The following PRKCB variants were observed in gnomAD, a reference collection of about 807,000 sequenced individuals.
The protein encoded by PRKCB is protein kinase C beta type.
Under a neutral mutation model 81.5 loss-of-function variants are expected in PRKCB, and 13 were observed. That is an observed-to-expected ratio of 0.16 (90% confidence interval 0.10 to 0.25). The LOEUF (loss-of-function observed/expected upper bound fraction) is 0.25, where lower values mean the gene tolerates loss of function less well. Ranked by LOEUF, PRKCB falls within the 10% of genes least tolerant of loss-of-function variation. PRKCB has a pLI of 1.00. For synonymous variants in PRKCB, 335 were observed against 321.4 expected, an observed-to-expected ratio of 1.04 and a Z score of -0.45; for missense variants, 509 against 875.7, an observed-to-expected ratio of 0.58 and a Z score of 5.29.
At chr16:23,987,176 T>C (rs1964813257) in intron 2 of PRKCB, among the ~76,000 whole-genome samples, 1 of 152,216 alleles carries the variant, frequency 6.6e-6, no homozygotes, top group Non-Finnish European at 1.5e-5. Context: ...CAAACCACCA[T>C]GGCACATGTA....
intron 2 of PRKCB, among the ~76,000 whole-genome samples, chr16:23,839,215 G>A (rs1390985063): frequency 6.6e-6 from 1 of 151,322 alleles, no homozygotes; most frequent in Non-Finnish European, 1.5e-5. Context: ...ATTTTCTGAT[G>A]TTAAGAGAAA....
At chr16:24,133,803 GC>G (rs1486804704) in intron 9 of PRKCB, among the ~76,000 whole-genome samples, 2 of 152,152 alleles carry the variant, frequency 1.3e-5, no homozygotes, top group East Asian at 3.8e-4. Flanking sequence ...CAAGAAGGAG[GC>G]GGGACCTTGA....
At chr16:23,909,674 A>G (rs1963619879) in intron 2 of PRKCB, among the ~76,000 whole-genome samples, 1 of 152,130 alleles carries the variant, frequency 6.6e-6, no homozygotes, top group African/African-American at 2.4e-5. Flanking sequence ...ACACATTATA[A>G]GCTCCCACTT....
chr16:24,063,798 A>G (rs1006944938), intron 5 of PRKCB, among the ~76,000 whole-genome samples: 1 of 152,172 alleles, frequency 6.6e-6, no homozygotes, highest in Non-Finnish European at 1.5e-5. Context: ...GGGAATTCTT[A>G]GGACTCTGGG....
chr16:23,892,639 A>G (rs567234731), intron 2 of PRKCB, among the ~76,000 whole-genome samples: 8 of 152,184 alleles, frequency 5.3e-5, no homozygotes, highest in Non-Finnish European at 1.2e-4. Context: ...AGATGGTCTT[A>G]TTTATTACTT....
At chr16:24,112,892 G>C in intron 7 of PRKCB, 81 bp from the exon 8 acceptor site, 1 of 978,514 alleles carries the variant, frequency 1.0e-6, no homozygotes, top group Non-Finnish European at 1.6e-6. Context: ...GCTTTATATA[G>C]GCCTCCTTTT....
chr16:23,936,223 T>C (rs1246869713), intron 2 of PRKCB, among the ~76,000 whole-genome samples: 5 of 151,694 alleles, frequency 3.3e-5, no homozygotes, highest in Non-Finnish European at 7.4e-5. Context: ...AATATTTGGC[T>C]AGTAAGCACC....
At chr16:23,922,405 C>A (rs560315253) in intron 2 of PRKCB, among the ~76,000 whole-genome samples, 21 of 152,260 alleles carry the variant, frequency 1.4e-4, no homozygotes, top group African/African-American at 5.1e-4. Flanking sequence ...TGCAAAATTT[C>A]TTGTTTTTCT....
At chr16:23,933,402 T>A (rs1238405520) in intron 2 of PRKCB, among the ~76,000 whole-genome samples, 3 of 152,178 alleles carry the variant, frequency 2.0e-5, no homozygotes, top group African/African-American at 7.2e-5. Context: ...CCCCTTTTGG[T>A]TAAGTTGCAT....
chr16:24,111,607 C>G (rs1458245941), intron 7 of PRKCB, among the ~76,000 whole-genome samples: 1 of 148,476 alleles, frequency 6.7e-6, no homozygotes, highest in Non-Finnish European at 1.5e-5. Flanking sequence ...AGCAACATAG[C>G]AAGACCCTAT....
At chr16:23,943,818 C>A (rs1217411387) in intron 2 of PRKCB, among the ~76,000 whole-genome samples, 1 of 152,168 alleles carries the variant, frequency 6.6e-6, no homozygotes, top group Non-Finnish European at 1.5e-5. Context: ...TTATTGTGGG[C>A]TTACTATGTG....
At chr16:23,874,483 A>C (rs1264612846) in intron 2 of PRKCB, among the ~76,000 whole-genome samples, 8 of 152,174 alleles carry the variant, frequency 5.3e-5, no homozygotes, top group Admixed American at 5.2e-4. Context: ...AGTTTTTATA[A>C]GCATACAAAT....
chr16:24,081,574 T>G (rs780772083), intron 5 of PRKCB, among the ~76,000 whole-genome samples: 2 of 152,008 alleles, frequency 1.3e-5, no homozygotes, highest in Non-Finnish European at 2.9e-5. Flanking sequence ...ATAAAAAAAA[T>G]TTTTAAAGGC....
In PRKCB at chr16:23,950,132, A is replaced by AGTTTTTTTTTTTTTTTTTTTTTTTTTTT. The variant is rs55986931; in HGVS notation, c.206-38376_206-38375insGTTTTTTTTTTTTTTTTTTTTTTTTTTT. Among the ~76,000 whole-genome samples the AGTTTTTTTTTTTTTTTTTTTTTTTTTTT allele has an allele frequency of 7.2e-5, 7 of 97,760 alleles. 3 individuals are homozygous for AGTTTTTTTTTTTTTTTTTTTTTTTTTTT. Among genetic ancestry groups the AGTTTTTTTTTTTTTTTTTTTTTTTTTTT allele is most frequent in the African/African-American group, 4.2e-5 (1 of 24,092 alleles). 64.1% of individuals were successfully genotyped at this position (97,760 alleles called of 152,430 possible). A position where few individuals can be genotyped will look rare whatever the true frequency, so the allele number is the denominator to read the frequency against. On this transcript the variant is annotated intron_variant, in intron 2 of 16. Transcript: ENST00000643927. ...AGCAGCATTGGCCCCTATGATTTGA[A>AGTTTTTTTTTTTTTTTTTTTTTTTTTTT]TTTTTTTTTTTTTTTTTTTTTTTTT...
chr16:24,111,552 T>C (rs560856933), intron 7 of PRKCB, among the ~76,000 whole-genome samples: 1 of 151,800 alleles, frequency 6.6e-6, no homozygotes, highest in South Asian at 2.1e-4. Context: ...CTTGGGATGC[T>C]GAGGCAGGAG....
rs557106205 is a variant in PRKCB, at chr16:23,887,811, C to T, written c.205+50405C>T. Among the ~76,000 whole-genome samples, 358 of 148,012 alleles carry T rather than the reference C, an allele frequency of 2.4e-3. 1 individual carries two copies. Among genetic ancestry groups the T allele is most frequent in the Non-Finnish European group, 4.7e-3 (311 of 66,762 alleles). ...GGGGCTGAACTAATTTACAATTTCA[C>T]CAACAGTGTAAGAGCGTCCTTTTTT... On this transcript the variant is annotated intron_variant, in intron 2 of 16. Transcript: ENST00000643927.
At chr16:24,179,332 G>T (rs1476695007) in intron 12 of PRKCB, among the ~76,000 whole-genome samples, 1 of 152,162 alleles carries the variant, frequency 6.6e-6, no homozygotes, top group Non-Finnish European at 1.5e-5. Flanking sequence ...GTTCTTCTAA[G>T]AAATATTAGA....
chr16:23,886,422 T>TTG (rs1202015791), intron 2 of PRKCB, among the ~76,000 whole-genome samples: 6 of 143,732 alleles, frequency 4.2e-5, no homozygotes, highest in African/African-American at 1.3e-4. Context: ...TTTTTTTTTT[T>TTG]TTTTTTTTTT....
chr16:24,176,104 A>G (rs1000770634), intron 12 of PRKCB, among the ~76,000 whole-genome samples: 1 of 152,008 alleles, frequency 6.6e-6, no homozygotes, highest in Non-Finnish European at 1.5e-5. Context: ...AGGCTTTCAG[A>G]GTCCTGGGGC....
Sources: allele counts gnomAD v4.1 joint callset (sites outside exome capture counted in the v4.1 genomes callset), GRCh38; gene constraint gnomAD v4.1.1; transcripts MANE v1.5; gene names NCBI Gene and HGNC (gene_info 2026-07-23, HGNC 2026-07-21).